Variants in EHD4 observed in about 807,000 individuals in gnomAD.
EHD4 encodes the protein EH domain containing 4.
Under a neutral mutation model 51.0 loss-of-function variants are expected in EHD4, and 37 were observed. The observed-to-expected ratio is 0.73, with a 90% CI of 0.56 to 0.95. The LOEUF (loss-of-function observed/expected upper bound fraction) is 0.95. Ranked by LOEUF, EHD4 falls within the 40% of genes least tolerant of loss-of-function variation. EHD4 has a pLI of 0.00. For synonymous variants in EHD4, 297 were observed against 317.3 expected (o/e 0.94, Z 0.68); for missense variants, 632 against 733.1 (o/e 0.86, Z 1.59).
chr15:41,902,806 T>C (rs992765159), intron 5 of EHD4, among the ~76,000 whole-genome samples: 2 of 142,172 alleles, frequency 1.4e-5, no homozygotes, highest in African/African-American at 5.1e-5. Flanking sequence ...TATATATGTA[T>C]GTGTATATAT....
At chr15:41,955,262 A>G (rs2067880258) in intron 1 of EHD4, among the ~76,000 whole-genome samples, 1 of 142,264 alleles carries the variant, frequency 7.0e-6, no homozygotes, top group Non-Finnish European at 1.5e-5. Flanking sequence ...AGGTGGGAAA[A>G]CTGGGGCATC....
In EHD4 at chr15:41,897,465, CTGAA is replaced by C. The variant is rs1233250234; in HGVS notation, c.*3176_*3179del. 2 of 152,370 alleles carry C rather than the reference CTGAA, an allele frequency of 1.3e-5. No homozygotes were observed. The highest frequency in any genetic ancestry group is 2.9e-5 in the Non-Finnish European group (2 of 68,152). 9.4% of individuals were successfully genotyped at this position (152,370 alleles called of 1,614,324 possible). Reference sequence around the variant, plus strand: ...CGGAGAAAGGAAAGCCAAAAGCCAACTGAATGAATGACCCTCCCCCAGAAGAGCA... The same window carrying C: ...CGGAGAAAGGAAAGCCAAAAGCCAACTGAATGACCCTCCCCCAGAAGAGCA... On this transcript the variant is annotated 3_prime_UTR_variant, in exon 6 of 6. Transcript: ENST00000220325.
chr15:41,966,076 T>C (rs1231557883), intron 1 of EHD4, among the ~76,000 whole-genome samples: 4 of 149,998 alleles, frequency 2.7e-5, no homozygotes, highest in African/African-American at 7.3e-5. Flanking sequence ...TCCCTCTCCA[T>C]GGCTTCCCTT....
intron 2 of EHD4, among the ~76,000 whole-genome samples, chr15:41,949,092 A>T (rs1384409397): frequency 6.8e-6 from 1 of 146,362 alleles, no homozygotes; most frequent in Non-Finnish European, 1.5e-5. Context: ...AAATTTGGCC[A>T]GGCATGGTGG....
intron 1 of EHD4, among the ~76,000 whole-genome samples, chr15:41,963,243 G>C (rs2141009377): frequency 6.7e-6 from 1 of 148,344 alleles, no homozygotes; most frequent in African/African-American, 2.5e-5. Flanking sequence ...ATTGTCCTAT[G>C]ACCCTGCCAA....
chr15:41,942,896 G>C (rs2067784038), intron 3 of EHD4, 171 bp downstream of exon 3: 2 of 577,396 alleles, frequency 3.5e-6, no homozygotes, highest in Admixed American at 2.9e-5. Flanking sequence ...GCCTCTGGAG[G>C]GGGCAGAGTC....
intron 3 of EHD4, among the ~76,000 whole-genome samples, chr15:41,925,815 C>G (rs949397182): frequency 6.6e-6 from 1 of 152,112 alleles, no homozygotes; most frequent in African/African-American, 2.4e-5. Flanking sequence ...AAGGAAGGAG[C>G]CCCTTCTACC....
In EHD4 at chr15:41,900,602, G is replaced by C; in HGVS notation, c.*43C>G. 6.6e-7 allele frequency: 1 copy of C among 1,513,062 alleles called. No homozygotes were observed. Among genetic ancestry groups the C allele is most frequent in the African/African-American group, 1.4e-5 (1 of 73,462 alleles). 93.7% of individuals were successfully genotyped at this position (1,513,062 alleles called of 1,614,324 possible). A position where few individuals can be genotyped will look rare whatever the true frequency, so the allele number is the denominator to read the frequency against. ...TGAGTCAGTGGTGGAGCAGGCCTGA[G>C]GCCCAGGTCCCCCAGTTCCCACCCC... is the stretch of plus-strand genomic sequence containing the variant. On this transcript the variant is annotated 3_prime_UTR_variant, in exon 6 of 6. Coordinates refer to ENST00000220325, the MANE Select transcript of EHD4 (RefSeq NM_139265.4). The surrounding 1 kb of genome is among the most constrained non-coding windows in gnomAD (Gnocchi z 4.8).
At position 41,919,294 on chromosome 15, in the gene EHD4, G is replaced by C; in HGVS notation, c.840C>G (p.Asp280Glu). ...GGAGGCTCTGGATGTCTCTAAAGAG[G>C]TCCTGGGCCTCAGCCTCGAAGAGCC... Reference protein sequence around the residue: ...NRRLFEAEAQDLFRDIQSLPQ... With the variant: ...NRRLFEAEAQELFRDIQSLPQ... The change falls in exon 4 of 6, where the codon GAC becomes GAG. Residue 280 changes from aspartate to glutamate, a missense_variant. Transcript: ENST00000220325. 1 of 1,614,202 alleles carries C rather than the reference G, an allele frequency of 6.2e-7. No homozygotes were observed. The highest frequency in any genetic ancestry group is 8.5e-7 in the Non-Finnish European group (1 of 1,180,042).
chr15:41,904,646 C>T (rs1473644475), intron 5 of EHD4, among the ~76,000 whole-genome samples: 1 of 152,216 alleles, frequency 6.6e-6, no homozygotes, highest in African/African-American at 2.4e-5. Context: ...CAACATTAAC[C>T]AGAAGAGTTT....
intron 5 of EHD4, among the ~76,000 whole-genome samples, chr15:41,902,436 G>A (rs1489267864): frequency 2.6e-5 from 4 of 152,130 alleles, no homozygotes; most frequent in Non-Finnish European, 5.9e-5. Context: ...ACCAGCCCCT[G>A]TTCTGGGGCT....
Position 41,923,737 on chromosome 15 carries a change from T to C in EHD4, c.512-4115A>G, listed in dbSNP as rs190463674. On this transcript the variant is annotated intron_variant, in intron 3 of 5. Transcript: ENST00000220325. ...CAAGCAACAAAGCAAATCAAACACA[T>C]TTAAAGTAGTATTAGTTCCTTTTAT... is the stretch of plus-strand genomic sequence containing the variant. Among the ~76,000 whole-genome samples the C allele has an allele frequency of 2.6e-5, 4 of 152,348 alleles. No homozygotes were observed. In the East Asian group the frequency reaches 7.7e-4, roughly 29 times the overall value.
At chr15:41,960,670 A>AT (rs577281838) in intron 1 of EHD4, among the ~76,000 whole-genome samples, 4,398 of 127,876 alleles carry the variant, frequency 0.034, 145 homozygotes, top group Non-Finnish European at 0.051. Flanking sequence ...CTTCACTTAC[A>AT]TTTTTTTTTT....
rs2068006708 is a variant in EHD4, at chr15:41,972,542, C to T, written c.-48G>A. 3.5e-6 allele frequency: 5 copies of T among 1,428,118 alleles called. No homozygotes were observed. The highest frequency in any genetic ancestry group is 3.6e-6 in the Non-Finnish European group (4 of 1,096,956). The allele number at this position is 1,428,118 out of a possible 1,614,324, so 88.5% of individuals were successfully genotyped here. A position where few individuals can be genotyped will look rare whatever the true frequency, so the allele number is the denominator to read the frequency against. The stretch of plus-strand genomic sequence containing the variant: ...ATGGGACCCTGCTCCGGGTTCGACT[C>T]TCCCCGGCTCGCACTGAGCCGCCCC... On this transcript the variant is annotated 5_prime_UTR_variant, in exon 1 of 6. Transcript: ENST00000220325.
rs1261722779 is a variant in EHD4, at chr15:41,898,471, G to A, written c.*2174C>T. The A allele has an allele frequency of 1.3e-5, 2 of 152,260 alleles. No individual in the cohort carries two copies. The highest frequency in any genetic ancestry group is 4.8e-5 in the African/African-American group (2 of 41,476). The allele number at this position is 152,260 out of a possible 1,614,324, so 9.4% of individuals were successfully genotyped here. A position where few individuals can be genotyped will look rare whatever the true frequency, so the allele number is the denominator to read the frequency against. ...GAAAAATCAGTTTGCCTGGGCATCT[G>A]TAAACCTTTGGGCAAGTGAATTCCC... On this transcript the variant is annotated 3_prime_UTR_variant, in exon 6 of 6. Coordinates refer to ENST00000220325, the MANE Select transcript of EHD4 (RefSeq NM_139265.4).
At chr15:41,921,204 G>A (rs937981203) in intron 3 of EHD4, among the ~76,000 whole-genome samples, 3 of 152,226 alleles carry the variant, frequency 2.0e-5, no homozygotes, top group African/African-American at 4.8e-5. Flanking sequence ...TGTTTATGCC[G>A]CCACACGCGT....
intron 3 of EHD4, among the ~76,000 whole-genome samples, chr15:41,924,786 A>G (rs975133568): frequency 6.6e-6 from 1 of 152,078 alleles, no homozygotes; most frequent in African/African-American, 2.4e-5. Flanking sequence ...GAATAGATGC[A>G]TTTTTCACGC....
chr15:41,943,097 G>C lies in EHD4; in HGVS notation c.481C>G (p.Leu161Val). ...CTGATGCGCTGCTTCTCCCCAGAAA[G>C]GATGCCGGGGCTGTCGATGACGCTG... ...SISVIDSPGI[L>V]SGEKQRISRG... Residue 161 changes from leucine to valine, a missense_variant, in exon 3 of 6, where the codon CTT (leucine) becomes GTT (valine). By Grantham distance (32) the Leu-to-Val change is conservative. Coordinates refer to ENST00000220325, the MANE Select transcript of EHD4 (RefSeq NM_139265.4). 1 of 1,587,668 alleles carries C rather than the reference G, an allele frequency of 6.3e-7. No homozygotes were observed. The highest frequency in any genetic ancestry group is 8.6e-7 in the Non-Finnish European group (1 of 1,166,862).
chr15:41,917,096 C>CTTATTTAT (rs56087855), intron 4 of EHD4, among the ~76,000 whole-genome samples: 21,374 of 141,706 alleles, frequency 0.15, 1,990 homozygotes, highest in Admixed American at 0.25. Context: ...CTTTCTGCTC[C>CTTATTTAT]TTATTTATTT....
Sources: gnomAD v4.1 joint callset for allele counts (sites outside exome capture counted in the v4.1 genomes callset) on GRCh38, gnomAD v4.1.1 for gene constraint, Gnocchi (gnomAD v3.1) non-coding constraint, MANE v1.5 for transcripts, NCBI Gene and HGNC (gene_info 2026-07-23, HGNC 2026-07-21) for gene names.